Variants in C6orf163 observed in about 807,000 individuals in gnomAD.
C6orf163 encodes uncharacterized protein C6orf163.
In C6orf163, 22 loss-of-function variants were observed where a neutral mutation model predicts 28.4. The observed-to-expected ratio is 0.78, with a 90% CI of 0.55 to 1.11. C6orf163 has a LOEUF of 1.11. Ranked by LOEUF, C6orf163 falls within the 50% of genes least tolerant of loss-of-function variation. The pLI is 0.00. For synonymous variants in C6orf163, 110 were observed against 123.6 expected (o/e 0.89, Z 0.73); for missense variants, 342 against 389.1 (o/e 0.88, Z 1.02).
In C6orf163 at chr6:87,350,377, G is replaced by A. The variant is rs1326323937; in HGVS notation, c.244-17G>A. 1 of 1,450,990 alleles carries A rather than the reference G, an allele frequency of 6.9e-7. No homozygotes were observed. 89.9% of individuals were successfully genotyped at this position (1,450,990 alleles called of 1,614,324 possible). On this transcript the variant is annotated splice_polypyrimidine_tract_variant and intron_variant, in intron 2 of 4. Coordinates refer to ENST00000388923, the MANE Select transcript of C6orf163 (RefSeq NM_001010868.3). ...ATTCTGATACATTAATAGATAAATG[G>A]ACTCTTTCTTTCAAAGGCTAATGAA...
rs1777397220 is a variant in C6orf163, at chr6:87,350,508, A to G, written c.351+7A>G. Reference sequence around the variant, plus strand: ...ACATCAGAAAGATTTACAGGTTTTTATAGTGGCTTATTTGTTGTCTTTTAA... The same window carrying G: ...ACATCAGAAAGATTTACAGGTTTTTGTAGTGGCTTATTTGTTGTCTTTTAA... On this transcript the variant is annotated splice_region_variant and intron_variant, in intron 3 of 4. Transcript: ENST00000388923. 7.0e-7 allele frequency: 1 copy of G among 1,421,512 alleles called. No individual in the cohort carries two copies. Among genetic ancestry groups the G allele is most frequent in the African/African-American group, 1.4e-5 (1 of 70,438 alleles). The allele number at this position is 1,421,512 out of a possible 1,614,324, so 88.1% of individuals were successfully genotyped here.
At chr6:87,353,651 C>T (rs1404554150) in intron 3 of C6orf163, among the ~76,000 whole-genome samples, 1 of 152,096 alleles carries the variant, frequency 6.6e-6, no homozygotes, top group African/African-American at 2.4e-5. Context: ...TCAACCACCA[C>T]CCAGCAGTCT....
At chr6:87,362,206 G>T (rs1360904348) in intron 4 of C6orf163, among the ~76,000 whole-genome samples, 2 of 152,326 alleles carry the variant, frequency 1.3e-5, no homozygotes, top group East Asian at 3.9e-4. Flanking sequence ...GTCAGGCACG[G>T]TGGCTCACAC....
Position 87,345,084 on chromosome 6 carries a change from C to T in C6orf163, c.-16C>T. On this transcript the variant is annotated 5_prime_UTR_variant, in exon 1 of 5. Transcript: ENST00000388923. Reference sequence around the variant, plus strand: ...TATTTTAACTGTAAGTAGGAGAAGACATCTGAAATTTAACTATGATCAGAA... The same window carrying T: ...TATTTTAACTGTAAGTAGGAGAAGATATCTGAAATTTAACTATGATCAGAA... The T allele has an allele frequency of 1.3e-6, 2 of 1,511,142 alleles. No individual in the cohort carries two copies. The highest frequency in any genetic ancestry group is 1.8e-6 in the Non-Finnish European group (2 of 1,134,622). The allele number at this position is 1,511,142 out of a possible 1,614,324, so 93.6% of individuals were successfully genotyped here. A position where few individuals can be genotyped will look rare whatever the true frequency, so the allele number is the denominator to read the frequency against.
At chr6:87,350,549 T>C (rs1217654999) in intron 3 of C6orf163, 48 bp downstream of exon 3, 1 of 1,119,884 alleles carries the variant, frequency 8.9e-7, no homozygotes, top group Non-Finnish European at 1.3e-6. Flanking sequence ...ATTACATTAG[T>C]AAAAAGAAAA....
intron 4 of C6orf163, chr6:87,357,849 T>G (rs1777528993): frequency 6.6e-6 from 1 of 152,246 alleles, no homozygotes; most frequent in Admixed American, 6.5e-5. Context: ...AGGTTTTCAA[T>G]GTCTGCCTTT....
intron 4 of C6orf163, among the ~76,000 whole-genome samples, chr6:87,361,943 T>C (rs1777586149): frequency 6.6e-6 from 1 of 152,162 alleles, no homozygotes; most frequent in South Asian, 2.1e-4. Flanking sequence ...AATTGGTCTC[T>C]CTAGCTCACC....
chr6:87,359,187 G>C (rs72918565), intron 4 of C6orf163: 3,990 of 152,358 alleles, frequency 0.026, 92 homozygotes, highest in Non-Finnish European at 0.042. Context: ...CAGTATGGGT[G>C]GGGTATGTAG....
chr6:87,347,004 C>T (rs1345808380), intron 1 of C6orf163, among the ~76,000 whole-genome samples: 6 of 152,016 alleles, frequency 3.9e-5, no homozygotes, highest in Non-Finnish European at 8.8e-5. Flanking sequence ...TTTTTTCCCC[C>T]GGCATAGAGT....
intron 1 of C6orf163, chr6:87,348,452 GGA>G (rs561395292): frequency 3.0e-6 from 3 of 1,002,240 alleles, no homozygotes; most frequent in Non-Finnish European, 3.6e-6. Flanking sequence ...ATAGGAACAG[GGA>G]GAGAGAGAGC....
Position 87,345,167 on chromosome 6 carries a change from C to T in C6orf163, c.68C>T (p.Ala23Val). 3 of 1,536,626 alleles carry T rather than the reference C, an allele frequency of 2.0e-6. No individual in the cohort carries two copies. In the South Asian group the frequency reaches 3.6e-5, roughly 18 times the overall value. ...CAVCNKIIPP[A>V]PFGKTFKRIH... ...GTTTGTAATAAAATAATTCCACCAG[C>T]CCCTTTTGGAAAAACCTTCAAACGG... Residue 23 changes from alanine to valine, a missense_variant, in exon 1 of 5, where the codon GCC (alanine) becomes GTC (valine). Physicochemically the swap from Ala to Val is moderately conservative, Grantham distance 64. Transcript: ENST00000388923.
intron 1 of C6orf163, among the ~76,000 whole-genome samples, chr6:87,345,872 G>A (rs918801100): frequency 6.8e-4 from 89 of 131,130 alleles, no homozygotes; most frequent in African/African-American, 2.3e-3. Context: ...AGCTGAGATC[G>A]TGCTACTGCA....
chr6:87,356,129 A>T, intron 3 of C6orf163, 172 bp from the exon 4 acceptor site: 1 of 605,720 alleles, frequency 1.7e-6, no homozygotes, highest in Non-Finnish European at 2.9e-6. Context: ...GGTTCACCTA[A>T]CATCATATAA....
intron 4 of C6orf163, among the ~76,000 whole-genome samples, chr6:87,363,745 A>G (rs1368468707): frequency 6.6e-6 from 1 of 151,900 alleles, no homozygotes; most frequent in Admixed American, 6.6e-5. Context: ...CCAGTCTATC[A>G]TTGTTGGACA....
chr6:87,360,752 TGTA>T lies in C6orf163; in HGVS notation c.555-4206_555-4204del, dbSNP rs1276051685. Among the ~76,000 whole-genome samples, 5 of 152,336 alleles carry T rather than the reference TGTA, an allele frequency of 3.3e-5. No homozygotes were observed. In the East Asian group the frequency reaches 9.6e-4, roughly 29 times the overall value. On this transcript the variant is annotated intron_variant, in intron 4 of 4. Coordinates refer to ENST00000388923, the MANE Select transcript of C6orf163 (RefSeq NM_001010868.3). The stretch of plus-strand genomic sequence containing the variant: ...TGTTCCAATATAGCTGCTTTAAACT[TGTA>T]GTGTTATTCAGCACAACATGTATTA...
chr6:87,356,091 AT>A, intron 3 of C6orf163: 1 of 539,874 alleles, frequency 1.9e-6, no homozygotes, highest in South Asian at 2.7e-5. Flanking sequence ...CTACGTAGAT[AT>A]TTATGCTACA....
chr6:87,358,532 G>A (rs1300852645), intron 4 of C6orf163: 1 of 152,098 alleles, frequency 6.6e-6, no homozygotes, highest in Non-Finnish European at 1.5e-5. Flanking sequence ...GCGTGAACCT[G>A]GGAGGCGGAG....
chr6:87,346,532 A>G (rs1388448726), intron 1 of C6orf163, among the ~76,000 whole-genome samples: 6 of 152,234 alleles, frequency 3.9e-5, no homozygotes, highest in African/African-American at 1.2e-4. Context: ...AATCTTTTCT[A>G]TTCAGTGACC....
intron 1 of C6orf163, 191 bp from the exon 2 acceptor site, chr6:87,348,621 C>G (rs1777364881): frequency 2.2e-6 from 3 of 1,364,508 alleles, no homozygotes; most frequent in Non-Finnish European, 2.8e-6. Flanking sequence ...CCAGGCCTGA[C>G]AGTGCTGTGA....
Sources: allele counts gnomAD v4.1 joint callset (sites outside exome capture counted in the v4.1 genomes callset), GRCh38; gene constraint gnomAD v4.1.1; transcripts MANE v1.5; gene names NCBI Gene and HGNC (gene_info 2026-07-23, HGNC 2026-07-21).